MCMBP: variants seen among roughly 807,000 people sequenced by gnomAD.
MCMBP encodes the protein mini-chromosome maintenance complex-binding protein.
MCMBP carries 31 observed loss-of-function variants against 81.3 expected under a neutral mutation model. The ratio of observed to expected loss-of-function variants is 0.38; its 90% CI spans 0.29 to 0.51. The LOEUF (loss-of-function observed/expected upper bound fraction) is 0.51. Ranked by LOEUF, MCMBP falls within the 20% of genes least tolerant of loss-of-function variation. The pLI, the probability that MCMBP is intolerant of heterozygous loss-of-function variation, is 0.87. For missense variants in MCMBP, 645 were observed against 772.1 expected, an observed-to-expected ratio of 0.84 and a Z score of 1.95; for synonymous variants, 267 against 275.9, an observed-to-expected ratio of 0.97 and a Z score of 0.32.
At chr10:119,852,969 T>C in intron 6 of MCMBP, 81 bp downstream of exon 6, 3 of 1,520,470 alleles carry the variant, frequency 2.0e-6, no homozygotes, top group Non-Finnish European at 2.7e-6. Context: ...AATATAGAGC[T>C]ATATTATGTA....
intron 12 of MCMBP, among the ~76,000 whole-genome samples, chr10:119,837,291 C>T (rs1852281998): frequency 6.6e-6 from 1 of 151,994 alleles, no homozygotes; most frequent in African/African-American, 2.4e-5. Flanking sequence ...AAATAGTTCC[C>T]AAGTATGATT....
intron 5 of MCMBP, among the ~76,000 whole-genome samples, chr10:119,856,453 CTATATAT>C (rs1388113899): frequency 1.3e-5 from 2 of 152,152 alleles, no homozygotes; most frequent in African/African-American, 4.8e-5. Flanking sequence ...GACACAAAGA[CTATATAT>C]TATATGAGTC....
At chr10:119,849,254 T>C (rs1475259525) in intron 7 of MCMBP, among the ~76,000 whole-genome samples, 171 bp downstream of exon 7, 2 of 152,200 alleles carry the variant, frequency 1.3e-5, no homozygotes, top group African/African-American at 4.8e-5. Context: ...ATGTTGGATT[T>C]CTGACCTAAA....
At position 119,853,048 on chromosome 10, in the gene MCMBP, A is replaced by G; in HGVS notation, c.574+2T>C. 6.2e-7 allele frequency: 1 copy of G among 1,614,066 alleles called. No individual in the cohort carries two copies. Among genetic ancestry groups the G allele is most frequent in the African/African-American group, 1.3e-5 (1 of 75,044 alleles). ...TAGAGAAAACCTGTTGGCACACACT[A>G]CCTGCTTGTCTGGCACCTGCATGTT... On this transcript the variant is annotated splice_donor_variant, in intron 6 of 15. Transcript: ENST00000369077. LOFTEE classifies it high-confidence loss of function.
intron 2 of MCMBP, among the ~76,000 whole-genome samples, chr10:119,859,460 A>C (rs1306463026): frequency 6.6e-6 from 1 of 152,240 alleles, no homozygotes; most frequent in African/African-American, 2.4e-5. Context: ...TTCAATGATC[A>C]AAAAGGCATT....
At chr10:119,863,421 C>T (rs1253334473) in intron 1 of MCMBP, among the ~76,000 whole-genome samples, 1 of 152,048 alleles carries the variant, frequency 6.6e-6, no homozygotes, top group Admixed American at 6.5e-5. Flanking sequence ...TTTGAATTAG[C>T]TTTTGTATCT....
rs1195761125 is a variant in MCMBP, at chr10:119,838,560, C to T, written c.1383G>A (p.Leu461=). Reference sequence around the variant, plus strand: ...CTGGGGTATCCAGCTGCCCCTGTTCCAGGAGAGTCTCATCGATTACAAGGG... The same window carrying T: ...CTGGGGTATCCAGCTGCCCCTGTTCTAGGAGAGTCTCATCGATTACAAGGG... The part of the protein sequence containing the change: ...NTSLVIDETL[L]EQGQLDTPGV... The change falls in exon 12 of 16, where the codon CTG becomes CTA. Residue 461 remains leucine (L), a synonymous_variant. Transcript: ENST00000369077. The T allele has an allele frequency of 2.5e-6, 4 of 1,613,896 alleles. No individual in the cohort carries two copies. Among genetic ancestry groups the T allele is most frequent in the African/African-American group, 2.7e-5 (2 of 74,894 alleles).
rs543819036 is a variant in MCMBP at position 119,837,801 on chromosome 10, T to C, written c.1408+734A>G. Among the ~76,000 whole-genome samples the C allele has an allele frequency of 3.1e-4, 47 of 152,096 alleles. 1 individual carries two copies. The South Asian group carries it at 8.9e-3, about 29-fold the overall frequency. On this transcript the variant is annotated intron_variant, in intron 12 of 15. Coordinates refer to ENST00000369077, the MANE Select transcript of MCMBP (RefSeq NM_001256378.2). ...CCGTCTCAAAACAAAAAAAAAATTA[T>C]ATTAGATCTTTTCTACACTTCCCTT...
At chr10:119,851,586 C>T (rs1407051578) in intron 6 of MCMBP, among the ~76,000 whole-genome samples, 4 of 152,072 alleles carry the variant, frequency 2.6e-5, no homozygotes, top group Non-Finnish European at 5.9e-5. Context: ...GCGCCTGCCA[C>T]CATGCCTGGC....
At position 119,835,629 on chromosome 10, in the gene MCMBP, C is replaced by A; in HGVS notation, c.1618G>T (p.Ala540Ser). 1.2e-6 allele frequency: 2 copies of A among 1,614,196 alleles called. No individual in the cohort carries two copies. Among genetic ancestry groups the A allele is most frequent in the East Asian group, 4.5e-5 (2 of 44,888 alleles). The change falls in exon 14 of 16, where the codon GCG becomes TCG. Residue 540 changes from alanine (A) to serine (S), a missense_variant. Physicochemically the swap from Ala to Ser is moderately conservative, Grantham distance 99. Coordinates refer to ENST00000369077, the MANE Select transcript of MCMBP (RefSeq NM_001256378.2). ...MEEYMNSLLS[A>S]VLPSVLNKFR... Reference sequence around the variant, plus strand: ...TTGTTCAGCACGGAAGGCAGCACCGCTGAGAGAAGGCTGTTCATGTACTCC... The same window carrying A: ...TTGTTCAGCACGGAAGGCAGCACCGATGAGAGAAGGCTGTTCATGTACTCC...
chr10:119,868,374 C>G (rs1853546350), intron 1 of MCMBP, among the ~76,000 whole-genome samples: 1 of 152,056 alleles, frequency 6.6e-6, no homozygotes, highest in Non-Finnish European at 1.5e-5. Flanking sequence ...TGCAGTGAGC[C>G]GAGATCACGC....
chr10:119,844,660 G>A (rs923935656), intron 8 of MCMBP, among the ~76,000 whole-genome samples: 1 of 152,146 alleles, frequency 6.6e-6, no homozygotes, highest in East Asian at 1.9e-4. Flanking sequence ...GTTGCCAAAG[G>A]AGATTAACAT....
rs568949539 is a variant in MCMBP at position 119,870,989 on chromosome 10, G to T, written c.58+1538C>A. ...GTCCCTTAGGATCATACATTTAGAA[G>T]ACAAAATTTGACACAAATACATTCA... On this transcript the variant is annotated intron_variant, in intron 1 of 15. Coordinates refer to ENST00000369077, the MANE Select transcript of MCMBP (RefSeq NM_001256378.2). Among the ~76,000 whole-genome samples the T allele has an allele frequency of 7.2e-5, 11 of 152,246 alleles. No homozygotes were observed. The South Asian group carries it at 2.3e-3, about 32-fold the overall frequency.
chr10:119,841,828 G>A (rs530475471), intron 10 of MCMBP, among the ~76,000 whole-genome samples: 11 of 152,360 alleles, frequency 7.2e-5, no homozygotes, highest in Admixed American at 2.0e-4. Context: ...TGCACATGAC[G>A]TGGGCGCCTT....
intron 14 of MCMBP, among the ~76,000 whole-genome samples, chr10:119,833,833 G>A (rs971888379): frequency 6.6e-6 from 1 of 151,826 alleles, no homozygotes; most frequent in African/African-American, 2.4e-5. Context: ...AAGAAATAAA[G>A]GAAACCACAT....
At position 119,831,463 on chromosome 10, in the gene MCMBP, G is replaced by GTAT; in HGVS notation, c.*8_*10dup. 1.2e-6 allele frequency: 2 copies of GTAT among 1,613,624 alleles called. No homozygotes were observed. Among genetic ancestry groups the GTAT allele is most frequent in the Non-Finnish European group, 1.7e-6 (2 of 1,179,736 alleles). ...ACAGTTTGCCCATTACTCTTCATAG[G>GTAT]TATTACATCTTTAAAGTTCATTTCC... On this transcript the variant is annotated 3_prime_UTR_variant, in exon 16 of 16. Coordinates refer to ENST00000369077, the MANE Select transcript of MCMBP (RefSeq NM_001256378.2).
At chr10:119,859,263 G>T in intron 2 of MCMBP, 82 bp from the exon 3 acceptor site, 1 of 1,222,814 alleles carries the variant, frequency 8.2e-7, no homozygotes, top group Non-Finnish European at 1.1e-6. Flanking sequence ...TTTATATCCA[G>T]ACTCAAACTG....
At chr10:119,837,192 A>C (rs1314417167) in intron 12 of MCMBP, among the ~76,000 whole-genome samples, 163 bp from the exon 13 acceptor site, 1 of 152,186 alleles carries the variant, frequency 6.6e-6, no homozygotes, top group Admixed American at 6.5e-5. Context: ...GTGTAGGCTT[A>C]CAACAGTCTT....
At chr10:119,852,152 CAAAAAAAAA>C (rs34142128) in intron 6 of MCMBP, among the ~76,000 whole-genome samples, 4 of 53,082 alleles carry the variant, frequency 7.5e-5, no homozygotes, top group Non-Finnish European at 1.2e-4. Flanking sequence ...AACTCTGTCT[CAAAAAAAAA>C]AAAAAAAAAA....
Sources: gnomAD v4.1 joint callset for allele counts (sites outside exome capture counted in the v4.1 genomes callset) on GRCh38, gnomAD v4.1.1 for gene constraint, MANE v1.5 for transcripts, NCBI Gene and HGNC (gene_info 2026-07-23, HGNC 2026-07-21) for gene names.